The following TUT7 variants were observed in gnomAD, a reference collection of about 807,000 sequenced individuals.
TUT7 encodes terminal uridylyl transferase 7, also known as terminal uridylyltransferase 7.
A neutral mutation model predicts 165.9 loss-of-function variants in TUT7; 33 were observed. The observed-to-expected ratio is 0.20, with a 90% CI of 0.15 to 0.27. TUT7 has a LOEUF of 0.27. TUT7 is among the 10% of genes least tolerant of loss of function. The probability of loss-of-function intolerance (pLI) is 1.00; values close to 1 mark genes in which losing one functional copy is unlikely to be tolerated. For synonymous variants in TUT7, 552 were observed against 608.1 expected (o/e 0.91, Z 1.36); for missense variants, 1,338 against 1,762.3 (o/e 0.76, Z 4.31).
intron 4 of TUT7, 40 bp from the exon 5 acceptor site, chr9:86,345,194 A>G (rs974180268): frequency 2.5e-6 from 4 of 1,575,766 alleles, no homozygotes; most frequent in Non-Finnish European, 3.4e-6. Flanking sequence ...TGACTTACAC[A>G]TAGTTTTGAC....
chr9:86,294,332 C>T (rs528645480), intron 26 of TUT7, among the ~76,000 whole-genome samples: 2 of 146,418 alleles, frequency 1.4e-5, no homozygotes, highest in Non-Finnish European at 1.5e-5. Flanking sequence ...ATGCTGGTGT[C>T]TGTGGTGAAT....
intron 26 of TUT7, among the ~76,000 whole-genome samples, chr9:86,297,552 G>A (rs1460904328): frequency 5.3e-5 from 8 of 152,116 alleles, no homozygotes; most frequent in Admixed American, 5.2e-4. Flanking sequence ...TTATGGCCAG[G>A]TGTGGCGGCT....
chr9:86,337,197 G>A (rs1226934365), intron 10 of TUT7: 1 of 468,372 alleles, frequency 2.1e-6, no homozygotes, highest in East Asian at 4.3e-5. Context: ...AGATTTTGCA[G>A]TCTAGAAAGG....
intron 9 of TUT7, 29 bp from the exon 10 acceptor site, chr9:86,337,567 A>T (rs374570598): frequency 2.3e-5 from 37 of 1,582,426 alleles, no homozygotes; most frequent in Non-Finnish European, 3.2e-5. Context: ...AAAGTTAAGC[A>T]TTCTTTTTGT....
chr9:86,314,685 TA>T (rs1192752648), intron 17 of TUT7, among the ~76,000 whole-genome samples: 2 of 152,210 alleles, frequency 1.3e-5, no homozygotes, highest in African/African-American at 2.4e-5. Context: ...TTGTCTACAT[TA>T]TACCTTCCCT....
chr9:86,346,385 C>A lies in TUT7; in HGVS notation c.616G>T (p.Glu206Ter). 6.2e-7 allele frequency: 1 copy of A among 1,614,132 alleles called. No homozygotes were observed. Among genetic ancestry groups the A allele is most frequent in the Non-Finnish European group, 8.5e-7 (1 of 1,179,992 alleles). ...DGDLEGPVID[E>*]SVLSTKELLG... The stretch of plus-strand genomic sequence containing the variant: ...AGCTCCTTCGTTGAAAGTACAGACT[C>A]ATCGATCACAGGGCCTTCCAAGTCT... The change falls in exon 3 of 27, where the codon GAG becomes TAG. Residue 206 changes from glutamate (E) to a stop codon, truncating the protein, a stop_gained. Coordinates refer to ENST00000375963, the MANE Select transcript of TUT7 (RefSeq NM_024617.4). LOFTEE classifies it high-confidence loss of function.
chr9:86,305,998 G>A (rs1420169511), intron 22 of TUT7, among the ~76,000 whole-genome samples: 1 of 152,134 alleles, frequency 6.6e-6, no homozygotes, highest in South Asian at 2.1e-4. Context: ...TGAATAAACT[G>A]TCTCATGAAA....
chr9:86,294,172 C>G (rs1826110155), intron 26 of TUT7, among the ~76,000 whole-genome samples: 1 of 151,916 alleles, frequency 6.6e-6, no homozygotes, highest in Non-Finnish European at 1.5e-5. Flanking sequence ...AATCACTCCA[C>G]CTGTCCTTTC....
At chr9:86,345,349 A>AGGTG (rs1313042887) in intron 4 of TUT7, among the ~76,000 whole-genome samples, 195 bp from the exon 5 acceptor site, 1 of 152,242 alleles carries the variant, frequency 6.6e-6, no homozygotes, top group Non-Finnish European at 1.5e-5. Context: ...AACAGAGGAT[A>AGGTG]GGTGGGCATA....
At chr9:86,331,851 A>G (rs576895223) in intron 10 of TUT7, among the ~76,000 whole-genome samples, 1 of 152,314 alleles carries the variant, frequency 6.6e-6, no homozygotes, top group Non-Finnish European at 1.5e-5. Context: ...ATTTTTGCAA[A>G]CTATATATCA....
At chr9:86,303,423 G>A (rs938525884) in intron 24 of TUT7, among the ~76,000 whole-genome samples, 60 of 152,104 alleles carry the variant, frequency 3.9e-4, no homozygotes, top group African/African-American at 1.4e-3. Flanking sequence ...TTTTAGTCAT[G>A]CAGAGCACTC....
chr9:86,323,980 GAA>G lies in TUT7; in HGVS notation c.1790-22_1790-21del. 1 of 1,501,596 alleles carries G rather than the reference GAA, an allele frequency of 6.7e-7. No individual in the cohort carries two copies. The highest frequency in any genetic ancestry group is 2.3e-5 in the East Asian group (1 of 43,858). The allele number at this position is 1,501,596 out of a possible 1,614,324, so 93.0% of individuals were successfully genotyped here. ...AGGGATCTGTAATAAAAAAAAGAAA[GAA>G]AGAAAAATCCATCTCTTCATATGTT... On this transcript the variant is annotated intron_variant, in intron 12 of 26. Coordinates refer to ENST00000375963, the MANE Select transcript of TUT7 (RefSeq NM_024617.4).
rs1827734395 is a variant in TUT7 at position 86,308,496 on chromosome 9, G to A, written c.3771C>T (p.Ser1257=). The A allele has an allele frequency of 1.9e-6, 3 of 1,613,936 alleles. No homozygotes were observed. Among genetic ancestry groups the A allele is most frequent in the Non-Finnish European group, 2.5e-6 (3 of 1,179,908 alleles). The change falls in exon 22 of 27, where the codon AGC becomes AGT. Residue 1257 remains serine (S), a synonymous_variant. Transcript: ENST00000375963. ...EEFDFKEHVI[S]IRRKSLLTTF... ...TTGTAAGCAGACTTTTTCTCCTGAT[G>A]CTAATAACATGTTCTTTAAAATCAA... is the stretch of plus-strand genomic sequence containing the variant.
rs972591017 is a variant in TUT7 at position 86,287,824 on chromosome 9, T to TA, written c.*852dup. ...ACTATGTCTGCAGGGCTTTTGAAAT[T>TA]AAAGAAACAGTCCAGGAGGGCTCCA... On this transcript the variant is annotated 3_prime_UTR_variant, in exon 27 of 27. Transcript: ENST00000375963. 1 of 152,102 alleles carries TA rather than the reference T, an allele frequency of 6.6e-6. No homozygotes were observed. The highest frequency in any genetic ancestry group is 2.4e-5 in the African/African-American group (1 of 41,414). The allele number at this position is 152,102 out of a possible 1,614,324, so 9.4% of individuals were successfully genotyped here. A position where few individuals can be genotyped will look rare whatever the true frequency, so the allele number is the denominator to read the frequency against.
intron 17 of TUT7, among the ~76,000 whole-genome samples, chr9:86,314,600 T>C (rs1828536940): frequency 1.3e-5 from 2 of 152,172 alleles, no homozygotes; most frequent in Non-Finnish European, 2.9e-5. Context: ...ATCTAGGAAA[T>C]TTTCCCACTT....
chr9:86,304,376 T>C (rs1827258129), intron 24 of TUT7, among the ~76,000 whole-genome samples: 1 of 152,224 alleles, frequency 6.6e-6, no homozygotes, highest in Non-Finnish European at 1.5e-5. Flanking sequence ...ATAAATGTGG[T>C]TCCTGAAAAA....
chr9:86,313,635 T>A (rs1587906095), intron 17 of TUT7, among the ~76,000 whole-genome samples: 1 of 152,322 alleles, frequency 6.6e-6, no homozygotes, highest in East Asian at 1.9e-4. Flanking sequence ...TCCCAACTTA[T>A]ACTGAACCTA....
chr9:86,307,099 C>T (rs1247565983), intron 22 of TUT7, among the ~76,000 whole-genome samples: 2 of 151,900 alleles, frequency 1.3e-5, no homozygotes, highest in African/African-American at 2.4e-5. Flanking sequence ...GGTGAAACCC[C>T]GTCTCTACTA....
At chr9:86,351,883 T>G (rs1417036712) in intron 2 of TUT7, among the ~76,000 whole-genome samples, 1 of 152,250 alleles carries the variant, frequency 6.6e-6, no homozygotes, top group Non-Finnish European at 1.5e-5. Context: ...TTTGTGACTT[T>G]ATTTCATTTC....
Sources: allele counts gnomAD v4.1 joint callset (sites outside exome capture counted in the v4.1 genomes callset), GRCh38; gene constraint gnomAD v4.1.1; transcripts MANE v1.5; gene names NCBI Gene and HGNC (gene_info 2026-07-23, HGNC 2026-07-21).